The following GPC4 variants were observed in gnomAD, a reference collection of about 807,000 sequenced individuals.
The protein encoded by GPC4 is glypican-4.
GPC4 carries 10 observed loss-of-function variants against 35.0 expected under a neutral mutation model. The ratio of observed to expected loss-of-function variants is 0.29; its 90% CI spans 0.18 to 0.48. GPC4 has a LOEUF of 0.48. Ranked by LOEUF, GPC4 falls within the 20% of genes least tolerant of loss-of-function variation. The pLI, the probability that GPC4 is intolerant of heterozygous loss-of-function variation, is 0.99. For missense variants in GPC4, 322 were observed against 451.3 expected, an observed-to-expected ratio of 0.71 and a Z score of 2.60; for synonymous variants, 167 against 170.2, an observed-to-expected ratio of 0.98 and a Z score of 0.15.
At chrX:133,361,658 G>T (rs2124152204) in intron 1 of GPC4, among the ~76,000 whole-genome samples, 1 of 111,448 alleles carries the variant, frequency 9.0e-6, no homozygotes, top group East Asian at 2.8e-4. Flanking sequence ...AAGCACCATT[G>T]CTGGTCTTTG....
At chrX:133,338,575 T>C (rs1277314919) in intron 2 of GPC4, among the ~76,000 whole-genome samples, 9 of 111,656 alleles carry the variant, frequency 8.1e-5, no homozygotes, top group Admixed American at 9.5e-5. Flanking sequence ...ACGTCTGGCA[T>C]AGGTGATTAG....
intron 6 of GPC4, 51 bp downstream of exon 6, chrX:133,305,721 A>C: frequency 8.4e-7 from 1 of 1,190,733 alleles, no homozygotes; most frequent in Non-Finnish European, 1.1e-6. Context: ...TTTGAGCAAG[A>C]GTTTTCAGTT....
rs2068284090 is a variant in GPC4, at chrX:133,304,858, T to C, written c.1159A>G (p.Thr387Ala). ...TGTTTCAGTTTCTCCTTGACATCAG[T>C]AACCTAATTATGAAACAACAACAAC... ...AAGTSLDRLV[T>A]DVKEKLKQAK... Residue 387 changes from threonine to alanine, a missense_variant, in exon 7 of 9, where the codon ACT (threonine) becomes GCT (alanine). Physicochemically the swap from Thr to Ala is moderately conservative, Grantham distance 58. Transcript: ENST00000370828. 8.3e-7 allele frequency: 1 copy of C among 1,207,221 alleles called. No individual in the cohort carries two copies.
chrX:133,396,512 G>C (rs2068743585), intron 1 of GPC4, among the ~76,000 whole-genome samples: 1 of 111,831 alleles, frequency 8.9e-6, no homozygotes, highest in Admixed American at 9.6e-5. Context: ...TATTCTTAGT[G>C]ATCAGCTTGC....
At chrX:133,410,079 G>T (rs1369845762) in intron 1 of GPC4, among the ~76,000 whole-genome samples, 1 of 111,480 alleles carries the variant, frequency 9.0e-6, no homozygotes, top group Non-Finnish European at 1.9e-5. Flanking sequence ...ACACTAGATT[G>T]TCTATGTCTG....
intron 1 of GPC4, among the ~76,000 whole-genome samples, chrX:133,383,390 C>A (rs1408301423): frequency 2.7e-5 from 3 of 111,038 alleles, no homozygotes; most frequent in Non-Finnish European, 3.8e-5. Flanking sequence ...TAGAGACAGT[C>A]AAAAAGATGA....
At chrX:133,327,636 A>AGTGTGTGTGTGTGTGTGTGTGT (rs557359106) in intron 2 of GPC4, among the ~76,000 whole-genome samples, 2 of 83,284 alleles carry the variant, frequency 2.4e-5, no homozygotes, top group African/African-American at 8.8e-5. Flanking sequence ...TGTCCAGGAA[A>AGTGTGTGTGTGTGTGTGTGTGT]GTGTGTGTGT....
chrX:133,390,148 C>T (rs1349515282), intron 1 of GPC4, among the ~76,000 whole-genome samples: 1 of 110,833 alleles, frequency 9.0e-6, no homozygotes, highest in Non-Finnish European at 1.9e-5. Flanking sequence ...AGCTACCGGT[C>T]GAACTCCAGC....
At chrX:133,392,025 G>C (rs1417641287) in intron 1 of GPC4, among the ~76,000 whole-genome samples, 1 of 110,395 alleles carries the variant, frequency 9.1e-6, no homozygotes, top group Non-Finnish European at 1.9e-5. Context: ...CTGAGGTCAG[G>C]AGTTCGAGAC....
At chrX:133,338,029 T>A (rs762534325) in intron 2 of GPC4, among the ~76,000 whole-genome samples, 238 of 110,206 alleles carry the variant, frequency 2.2e-3, no homozygotes, top group African/African-American at 6.3e-3. Flanking sequence ...TTAGTTCAAC[T>A]ACATTATAGA....
intron 1 of GPC4, among the ~76,000 whole-genome samples, chrX:133,385,893 G>T (rs1229885036): frequency 1.8e-5 from 2 of 110,014 alleles, no homozygotes; most frequent in African/African-American, 6.6e-5. Context: ...CAAAATACCA[G>T]CTAGGCAAGG....
chrX:133,403,876 T>G (rs1459297790), intron 1 of GPC4, among the ~76,000 whole-genome samples: 1 of 110,204 alleles, frequency 9.1e-6, no homozygotes, highest in Non-Finnish European at 1.9e-5. Flanking sequence ...TTTGTGTTTT[T>G]AGTCGAGAAG....
In GPC4 at chrX:133,415,305, C is replaced by T; in HGVS notation, c.-340G>A. 1 of 223,812 alleles carries T rather than the reference C, an allele frequency of 4.5e-6. No individual in the cohort carries two copies. Among genetic ancestry groups the T allele is most frequent in the Non-Finnish European group, 7.9e-6 (1 of 125,830 alleles). The allele number at this position is 223,812 out of a possible 1,213,427, so 18.4% of individuals were successfully genotyped here. ...AGCTGACTGGCCGGCGAGGCGGGGA[C>T]GCGGGGAAGGAGGGAAGGGTGGCAG... is the stretch of plus-strand genomic sequence containing the variant. On this transcript the variant is annotated 5_prime_UTR_variant, in exon 1 of 9. Coordinates refer to ENST00000370828, the MANE Select transcript of GPC4 (RefSeq NM_001448.3).
chrX:133,321,746 GC>G (rs1431014959), intron 3 of GPC4, among the ~76,000 whole-genome samples: 1 of 111,933 alleles, frequency 8.9e-6, no homozygotes, highest in East Asian at 2.8e-4. Flanking sequence ...AATAATGGTT[GC>G]TGGGGTTGGC....
chrX:133,398,503 C>T (rs1285458328), intron 1 of GPC4, among the ~76,000 whole-genome samples: 1 of 111,862 alleles, frequency 8.9e-6, no homozygotes, highest in Non-Finnish European at 1.9e-5. Flanking sequence ...CCCCGTGGCT[C>T]ACGCCTGTAA....
intron 5 of GPC4, 47 bp downstream of exon 5, chrX:133,305,977 G>A (rs2068289154): frequency 8.3e-7 from 1 of 1,209,800 alleles, no homozygotes; most frequent in Non-Finnish European, 1.1e-6. Context: ...GGAGGCGGAG[G>A]CGGGGGAGGT....
chrX:133,356,292 T>C (rs770657679), intron 1 of GPC4, among the ~76,000 whole-genome samples: 1 of 111,387 alleles, frequency 9.0e-6, no homozygotes, highest in Non-Finnish European at 1.9e-5. Context: ...TCGCCCAGAC[T>C]GGAGTGCAGT....
chrX:133,384,804 T>C (rs1398828996), intron 1 of GPC4, among the ~76,000 whole-genome samples: 1 of 111,695 alleles, frequency 9.0e-6, no homozygotes, highest in Non-Finnish European at 1.9e-5. Flanking sequence ...TTTTCTGACC[T>C]ACCACTGGCT....
At chrX:133,395,607 G>A (rs1277324360) in intron 1 of GPC4, among the ~76,000 whole-genome samples, 5 of 111,921 alleles carry the variant, frequency 4.5e-5, no homozygotes, top group Non-Finnish European at 7.5e-5. Context: ...CTGGGCAACA[G>A]AGTGAGACTC....
Sources: allele counts gnomAD v4.1 joint callset (sites outside exome capture counted in the v4.1 genomes callset), GRCh38; gene constraint gnomAD v4.1.1; transcripts MANE v1.5; gene names NCBI Gene and HGNC (gene_info 2026-07-23, HGNC 2026-07-21).